Variants in GJA4 observed in about 807,000 individuals in gnomAD.
GJA4 encodes the protein gap junction protein alpha 4.
In GJA4, 13 loss-of-function variants were observed where a neutral mutation model predicts 25.1. That is an observed-to-expected ratio of 0.52 (90% CI 0.34 to 0.82). The LOEUF is 0.82. Among genes scored for constraint, GJA4 ranks in the 40% least tolerant of loss-of-function variants. The pLI, the probability that GJA4 is intolerant of heterozygous loss-of-function variation, is 0.02. For missense variants in GJA4, 357 were observed against 443.5 expected, an observed-to-expected ratio of 0.80 and a Z score of 1.75; for synonymous variants, 167 against 193.9, an observed-to-expected ratio of 0.86 and a Z score of 1.15.
rs1314174307 is a variant in GJA4, at chr1:34,794,610, C to G, written c.397C>G (p.Gln133Glu). 1.7e-5 allele frequency: 27 copies of G among 1,605,486 alleles called. No individual in the cohort carries two copies. Among genetic ancestry groups the G allele is most frequent in the Non-Finnish European group, 2.2e-5 (26 of 1,179,882 alleles). The change falls in exon 2 of 2, where the codon CAG (glutamine) becomes GAG (glutamate). Residue 133 changes from glutamine to glutamate, a missense_variant. Gln to Glu is a conservative substitution (Grantham distance 29). Around this residue, in one of 2 missense-constraint regions of GJA4, gnomAD observed 278 missense variants for 298.1 expected, o/e 0.93. Transcript: ENST00000342280. The surrounding 1 kb of genome is among the most constrained non-coding windows in gnomAD (Gnocchi z 7.8). ...VERALAAVER[Q>E]MAKISVAEDG... ...GCGGGCGCTGGCGGCCGTAGAGCGTCAGATGGCCAAGATCTCGGTGGCAGA... is the reference window on the plus strand; with the variant it reads ...GCGGGCGCTGGCGGCCGTAGAGCGTGAGATGGCCAAGATCTCGGTGGCAGA...
At chr1:34,793,731 A>C (rs1409367636) in intron 1 of GJA4, among the ~76,000 whole-genome samples, 3 of 152,134 alleles carry the variant, frequency 2.0e-5, no homozygotes, top group African/African-American at 7.2e-5. Context: ...GCCCCCTAAG[A>C]AGCAGAAGAT....
rs755270330 is a variant in GJA4, at chr1:34,795,234, AC to A, written c.*22del. ...TGTATAGAGGCCTGTGGCTTATGTC[AC>A]CCAACAGAGGGGTCCTGAGAAGTCT... On this transcript the variant is annotated 3_prime_UTR_variant, in exon 2 of 2. Coordinates refer to ENST00000342280, the MANE Select transcript of GJA4 (RefSeq NM_002060.3). 3 of 1,557,870 alleles carry A rather than the reference AC, an allele frequency of 1.9e-6. No homozygotes were observed. Among genetic ancestry groups the A allele is most frequent in the South Asian group, 1.2e-5 (1 of 83,318 alleles).
chr1:34,793,843 C>A (rs184857419), intron 1 of GJA4, among the ~76,000 whole-genome samples: 1 of 152,364 alleles, frequency 6.6e-6, no homozygotes, highest in Non-Finnish European at 1.5e-5. Context: ...TGGATAAGTT[C>A]CTCAAATTCT....
chr1:34,795,204 C>T lies in GJA4; in HGVS notation c.991C>T (p.Gln331Ter). The T allele has an allele frequency of 6.2e-7, 1 of 1,608,166 alleles. No individual in the cohort carries two copies. The highest frequency in any genetic ancestry group is 8.5e-7 in the Non-Finnish European group (1 of 1,176,830). ...SRPSSSASKK[Q>*]YV is the part of the protein sequence containing the mutation. ...TCCCAGCAGCTCTGCTTCTAAGAAG[C>T]AGTATGTATAGAGGCCTGTGGCTTA... The change falls in exon 2 of 2, where the codon CAG becomes TAG. Residue 331 changes from glutamine to a stop codon, truncating the protein, a stop_gained. Coordinates refer to ENST00000342280, the MANE Select transcript of GJA4 (RefSeq NM_002060.3). LOFTEE classifies it high-confidence loss of function.
rs1185221207 is a variant in GJA4 at position 34,794,966 on chromosome 1, C to A, written c.753C>A (p.Thr251=). 5 of 1,614,130 alleles carry A rather than the reference C, an allele frequency of 3.1e-6. No individual in the cohort carries two copies. Among genetic ancestry groups the A allele is most frequent in the Non-Finnish European group, 4.2e-6 (5 of 1,180,000 alleles). The change falls in exon 2 of 2, where the codon ACC becomes ACA. Residue 251 remains threonine (T), a synonymous_variant. Transcript: ENST00000342280. This position sits in a 1 kb window ranked among gnomAD's most constrained non-coding sequence, Gnocchi z 7.8. ...GGCAAGGCCAAGACGCACCCCCGAC[C>A]CAGGGCACCTCCTCAGACCCTTACA... is the stretch of plus-strand genomic sequence containing the variant. The part of the protein sequence containing the change: ...RARQGQDAPP[T]QGTSSDPYTD...
At position 34,794,864 on chromosome 1, in the gene GJA4, A is replaced by G. The variant is rs1293894406; in HGVS notation, c.651A>G (p.Gly217=). The part of the protein sequence containing the change: ...TIFIIFMLVV[G]LISLVLNLLE... ...TCATCATCTTCATGTTGGTGGTTGG[A>G]CTCATCTCCCTGGTGCTTAACCTGC... The change falls in exon 2 of 2, where the codon GGA becomes GGG. Residue 217 remains glycine, a synonymous_variant. Transcript: ENST00000342280. The surrounding 1 kb of genome is among the most constrained non-coding windows in gnomAD (Gnocchi z 7.8). 1 of 1,613,770 alleles carries G rather than the reference A, an allele frequency of 6.2e-7. No homozygotes were observed. Among genetic ancestry groups the G allele is most frequent in the South Asian group, 1.1e-5 (1 of 91,062 alleles).
chr1:34,794,812 T>C lies in GJA4; in HGVS notation c.599T>C (p.Val200Ala). Reference protein sequence around the residue: ...APCPYLVDCFVSRPTEKTIFI... With the variant: ...APCPYLVDCFASRPTEKTIFI... ...TGCCCCTACCTCGTGGACTGCTTTG[T>C]CTCTCGCCCCACGGAGAAGACCATC... Residue 200 changes from valine (V) to alanine (A), a missense_variant, in exon 2 of 2, where the codon GTC becomes GCC. By Grantham distance (64) the Val-to-Ala change is moderately conservative (BLOSUM62 0). This residue lies in a region of GJA4 where 278 missense variants were observed against 298.1 expected (regional missense o/e 0.93). Transcript: ENST00000342280. The surrounding 1 kb of genome is among the most constrained non-coding windows in gnomAD (Gnocchi z 7.8). The C allele has an allele frequency of 5.6e-6, 9 of 1,614,120 alleles. No homozygotes were observed. Among genetic ancestry groups the C allele is most frequent in the Non-Finnish European group, 6.8e-6 (8 of 1,180,002 alleles).
At position 34,794,187 on chromosome 1, in the gene GJA4, C is replaced by T; in HGVS notation, c.-17-10C>T. ...ATGCTGACACACTGACGTGCTCTGT[C>T]TCCTTGCAGACGGAGGCCCGGGAGC... On this transcript the variant is annotated splice_polypyrimidine_tract_variant and intron_variant, in intron 1 of 1. Transcript: ENST00000342280. This position sits in a 1 kb window ranked among gnomAD's most constrained non-coding sequence, Gnocchi z 7.8. 1 of 1,606,764 alleles carries T rather than the reference C, an allele frequency of 6.2e-7. No homozygotes were observed. The highest frequency in any genetic ancestry group is 1.1e-5 in the South Asian group (1 of 89,788).
rs930937317 is a variant in GJA4, at chr1:34,794,737, G to A, written c.524G>A (p.Arg175His). ...GCAGGCTTCCTCTATGGCCAGTGGC[G>A]CCTGTACGGCTGGACCATGGAGCCC... The part of the protein sequence containing the change: ...LEAGFLYGQW[R>H]LYGWTMEPVF... Residue 175 changes from arginine to histidine, a missense_variant, in exon 2 of 2, where the codon CGC (arginine) becomes CAC (histidine). By Grantham distance (29) the Arg-to-His change is conservative. Around this residue, in one of 2 missense-constraint regions of GJA4, gnomAD observed 278 missense variants for 298.1 expected, o/e 0.93. Transcript: ENST00000342280. This position sits in a 1 kb window ranked among gnomAD's most constrained non-coding sequence, Gnocchi z 7.8. 8.7e-6 allele frequency: 14 copies of A among 1,613,548 alleles called. No individual in the cohort carries two copies. The highest frequency in any genetic ancestry group is 1.7e-5 in the Admixed American group (1 of 60,002).
In GJA4 at chr1:34,795,437, CACAG is replaced by C. The variant is rs2148358824; in HGVS notation, c.*228_*231del. 1.9e-6 allele frequency: 1 copy of C among 535,070 alleles called. No homozygotes were observed. Among genetic ancestry groups the C allele is most frequent in the South Asian group, 2.8e-5 (1 of 35,928 alleles). 33.1% of individuals were successfully genotyped at this position (535,070 alleles called of 1,614,324 possible). ...TCTCCAGAATGTGGCTTTGCCTGAG[CACAG>C]ACAGAGTCAGCATGGAATGCTCTTG... On this transcript the variant is annotated 3_prime_UTR_variant, in exon 2 of 2. Coordinates refer to ENST00000342280, the MANE Select transcript of GJA4 (RefSeq NM_002060.3).
chr1:34,794,370 G>A lies in GJA4; in HGVS notation c.157G>A (p.Glu53Lys), dbSNP rs774721432. The A allele has an allele frequency of 6.2e-6, 10 of 1,614,178 alleles. No individual in the cohort carries two copies. Among genetic ancestry groups the A allele is most frequent in the South Asian group, 1.1e-5 (1 of 91,082 alleles). ...SVWGDEQSDF[E>K]CNTAQPGCTN... ...GTGGGGTGACGAGCAATCAGATTTC[G>A]AGTGTAACACGGCCCAGCCAGGCTG... is the stretch of plus-strand genomic sequence containing the variant. The change falls in exon 2 of 2, where the codon GAG becomes AAG. Residue 53 changes from glutamate (E) to lysine (K), a missense_variant. Around this residue, in one of 2 missense-constraint regions of GJA4, gnomAD observed 79 missense variants for 145.4 expected, o/e 0.54. Coordinates refer to ENST00000342280, the MANE Select transcript of GJA4 (RefSeq NM_002060.3). This position sits in a 1 kb window ranked among gnomAD's most constrained non-coding sequence, Gnocchi z 7.8.
At position 34,795,144 on chromosome 1, in the gene GJA4, C is replaced by A; in HGVS notation, c.931C>A (p.Pro311Thr). 6.2e-7 allele frequency: 1 copy of A among 1,612,192 alleles called. No homozygotes were observed. Among genetic ancestry groups the A allele is most frequent in the Non-Finnish European group, 8.5e-7 (1 of 1,178,454 alleles). ...TTCCAGGCCCCCTCTCTTCCTGGACCCACCCCCTCAGAATGGCCAAAAACC... is the reference window on the plus strand; with the variant it reads ...TTCCAGGCCCCCTCTCTTCCTGGACACACCCCCTCAGAATGGCCAAAAACC... ...ASSRPPLFLD[P>T]PPQNGQKPPS... Residue 311 changes from proline to threonine, a missense_variant, in exon 2 of 2, where the codon CCA becomes ACA. Pro to Thr is a conservative substitution (Grantham distance 38). Coordinates refer to ENST00000342280, the MANE Select transcript of GJA4 (RefSeq NM_002060.3).
In GJA4 at chr1:34,794,985, C is replaced by T. The variant is rs28739284; in HGVS notation, c.772C>T (p.Pro258Ser). The T allele has an allele frequency of 4.3e-3, 6,915 of 1,614,040 alleles. 219 individuals are homozygous for T. The African/African-American group carries it at 0.071, about 16-fold the overall frequency. ...APPTQGTSSD[P>S]YTDQVFFYLP... is the part of the protein sequence containing the mutation. ...CCCGACCCAGGGCACCTCCTCAGAC[C>T]CTTACACGGACCAGGTCTTCTTCTA... is the stretch of plus-strand genomic sequence containing the variant. The change falls in exon 2 of 2, where the codon CCT (proline) becomes TCT (serine). Residue 258 changes from proline (P) to serine (S), a missense_variant. Around this residue, in one of 2 missense-constraint regions of GJA4, gnomAD observed 278 missense variants for 298.1 expected, o/e 0.93. Transcript: ENST00000342280. This position sits in a 1 kb window ranked among gnomAD's most constrained non-coding sequence, Gnocchi z 7.8.
At chr1:34,793,511 G>T (rs185263357) in intron 1 of GJA4, among the ~76,000 whole-genome samples, 41 of 152,328 alleles carry the variant, frequency 2.7e-4, no homozygotes, top group South Asian at 1.2e-3. Context: ...GAGGTGGAAG[G>T]GGGTGGGAGT....
rs1455076211 is a variant in GJA4, at chr1:34,795,599, AG to A, written c.*386del. ...CCTCAAACCCTCTCCTCACAGGAAAAGGCGGATTGAGGCTGCTGGGTCAGCC... is the reference window on the plus strand; with the variant it reads ...CCTCAAACCCTCTCCTCACAGGAAAAGCGGATTGAGGCTGCTGGGTCAGCC... On this transcript the variant is annotated 3_prime_UTR_variant, in exon 2 of 2. Coordinates refer to ENST00000342280, the MANE Select transcript of GJA4 (RefSeq NM_002060.3). The A allele has an allele frequency of 1.0e-5, 2 of 192,120 alleles. No individual in the cohort carries two copies. Among genetic ancestry groups the A allele is most frequent in the African/African-American group, 2.4e-5 (1 of 42,134 alleles). 11.9% of individuals were successfully genotyped at this position (192,120 alleles called of 1,614,324 possible).
Position 34,794,207 on chromosome 1 carries a change from G to C in GJA4, c.-7G>C. 1 of 1,612,526 alleles carries C rather than the reference G, an allele frequency of 6.2e-7. No individual in the cohort carries two copies. Among genetic ancestry groups the C allele is most frequent in the Admixed American group, 1.7e-5 (1 of 59,954 alleles). ...TCTGTCTCCTTGCAGACGGAGGCCC[G>C]GGAGCCATGGGTGACTGGGGCTTCC... is the stretch of plus-strand genomic sequence containing the variant. On this transcript the variant is annotated 5_prime_UTR_variant, in exon 2 of 2. Transcript: ENST00000342280. The surrounding 1 kb of genome is among the most constrained non-coding windows in gnomAD (Gnocchi z 7.8).
chr1:34,794,971 G>A lies in GJA4; in HGVS notation c.758G>A (p.Gly253Asp), dbSNP rs545954140. The A allele has an allele frequency of 2.2e-5, 35 of 1,614,090 alleles. No individual in the cohort carries two copies. Among genetic ancestry groups the A allele is most frequent in the African/African-American group, 8.0e-5 (6 of 75,032 alleles). ...RQGQDAPPTQ[G>D]TSSDPYTDQV... is the part of the protein sequence containing the mutation. ...GGCCAAGACGCACCCCCGACCCAGGGCACCTCCTCAGACCCTTACACGGAC... is the reference window on the plus strand; with the variant it reads ...GGCCAAGACGCACCCCCGACCCAGGACACCTCCTCAGACCCTTACACGGAC... Residue 253 changes from glycine to aspartate, a missense_variant, in exon 2 of 2, where the codon GGC becomes GAC. By Grantham distance (94) the Gly-to-Asp change is moderately conservative (BLOSUM62 -1). Transcript: ENST00000342280. The surrounding 1 kb of genome is among the most constrained non-coding windows in gnomAD (Gnocchi z 7.8).
intron 1 of GJA4, among the ~76,000 whole-genome samples, chr1:34,793,919 G>A (rs1640228888): frequency 6.6e-6 from 1 of 152,212 alleles, no homozygotes; most frequent in Non-Finnish European, 1.5e-5. Flanking sequence ...TCCTGGGGCA[G>A]TGGCTCGGGG....
rs1640208790 is a variant in GJA4, at chr1:34,793,054, C to CTA, written c.-32_-31insTA. The CTA allele has an allele frequency of 3.0e-6, 1 of 335,504 alleles. No individual in the cohort carries two copies. Among genetic ancestry groups the CTA allele is most frequent in the African/African-American group, 2.3e-5 (1 of 43,060 alleles). The allele number at this position is 335,504 out of a possible 1,614,324, so 20.8% of individuals were successfully genotyped here. On this transcript the variant is annotated 5_prime_UTR_variant, in exon 1 of 2. Coordinates refer to ENST00000342280, the MANE Select transcript of GJA4 (RefSeq NM_002060.3). Reference sequence around the variant, plus strand: ...ATCGTCCCCACCTCCACCTGGGCCGCCCGGCAGGCAGGCGGTGAGTCGGGG... The same window carrying CTA: ...ATCGTCCCCACCTCCACCTGGGCCGCTACCGGCAGGCAGGCGGTGAGTCGGGG...
Sources: allele counts gnomAD v4.1 joint callset (sites outside exome capture counted in the v4.1 genomes callset), GRCh38; gene constraint gnomAD v4.1.1; regional missense constraint gnomAD v4.1.1; non-coding constraint Gnocchi (gnomAD v3.1); transcripts MANE v1.5; gene names NCBI Gene and HGNC (gene_info 2026-07-23, HGNC 2026-07-21).